Variants in TACC2 observed in about 807,000 individuals in gnomAD.
TACC2 encodes transforming acidic coiled-coil containing protein 2, also known as transforming acidic coiled-coil-containing protein 2.
TACC2 carries 137 observed loss-of-function variants against 227.3 expected under a neutral mutation model. The observed-to-expected ratio is 0.60, with a 90% confidence interval of 0.52 to 0.69. The LOEUF is 0.69. TACC2 is among the 30% of genes least tolerant of loss of function. TACC2 has a pLI of 0.00. For missense variants in TACC2, 3,470 were observed against 3,694.4 expected (o/e 0.94, Z 1.57); for synonymous variants, 1,523 against 1,487.5 (o/e 1.02, Z -0.55).
At chr10:122,216,879 G>T (rs368244421) in intron 11 of TACC2, 51 bp downstream of exon 11, 47 of 1,613,718 alleles carry the variant, frequency 2.9e-5, no homozygotes, top group Admixed American at 6.7e-5. Flanking sequence ...GGAGAATCCT[G>T]CCCCTAGGGA....
intron 5 of TACC2, among the ~76,000 whole-genome samples, chr10:122,121,704 TGG>T (rs762249653): frequency 0.67 from 101,251 of 152,070 alleles, 37,461 homozygotes; most frequent in South Asian, 0.82. Context: ...CATTGGCTTC[TGG>T]GCCTGGGCCT....
At chr10:122,158,715 G>A (rs1379928993) in intron 7 of TACC2, among the ~76,000 whole-genome samples, 1 of 152,216 alleles carries the variant, frequency 6.6e-6, no homozygotes, top group East Asian at 1.9e-4. Flanking sequence ...GGGCTTCACC[G>A]AAGCTTGTAC....
chr10:122,148,566 T>C (rs1311878924), intron 7 of TACC2, among the ~76,000 whole-genome samples: 4 of 152,244 alleles, frequency 2.6e-5, no homozygotes, highest in Non-Finnish European at 4.4e-5. Flanking sequence ...TTGTCTTCTC[T>C]CTTTGGGTTT....
At chr10:122,186,902 A>G (rs2094215432) in intron 7 of TACC2, among the ~76,000 whole-genome samples, 1 of 152,150 alleles carries the variant, frequency 6.6e-6, no homozygotes, top group Non-Finnish European at 1.5e-5. Flanking sequence ...AGGCAAGGAA[A>G]CCAAAAGGGT....
chr10:122,079,127 C>G (rs1255239576), intron 3 of TACC2: 1 of 152,200 alleles, frequency 6.6e-6, no homozygotes, highest in East Asian at 1.9e-4. Flanking sequence ...GAATTACACA[C>G]CATTACTCTT....
chr10:122,211,820 C>A, intron 9 of TACC2, 112 bp downstream of exon 9: 3 of 891,604 alleles, frequency 3.4e-6, no homozygotes, highest in Non-Finnish European at 5.0e-6. Context: ...CCCCTGGGTG[C>A]TGTGATGATG....
intron 5 of TACC2, among the ~76,000 whole-genome samples, chr10:122,111,616 G>A (rs889842426): frequency 3.9e-5 from 6 of 151,916 alleles, no homozygotes; most frequent in Admixed American, 6.6e-5. Flanking sequence ...TCAGCCTCCC[G>A]AGTAGCTGGG....
rs372856593 is a variant in TACC2 at position 122,084,884 on chromosome 10, C to A, written c.2384C>A (p.Ala795Glu). The A allele has an allele frequency of 2.2e-5, 35 of 1,613,954 alleles. No homozygotes were observed. The highest frequency in any genetic ancestry group is 3.0e-5 in the Non-Finnish European group (35 of 1,180,044). Residue 795 changes from alanine (A) to glutamate (E), a missense_variant, in exon 4 of 23, where the codon GCA (alanine) becomes GAA (glutamate). This residue lies in a region of TACC2 where 1,924 missense variants were observed against 1,978.3 expected (regional missense o/e 0.97). Transcript: ENST00000369005. The stretch of plus-strand genomic sequence containing the variant: ...TTGGCAGCAGACCTGGGGCTCACGG[C>A]ACTCATCCTGGACCAAGATCAGCAG... ...ENLAADLGLT[A>E]LILDQDQQGI...
At chr10:122,065,116 A>G (rs1240059103) in intron 3 of TACC2, among the ~76,000 whole-genome samples, 5 of 152,218 alleles carry the variant, frequency 3.3e-5, no homozygotes, top group Non-Finnish European at 5.9e-5. Context: ...GGTAAAGGGC[A>G]GAACATAAAA....
At chr10:122,170,202 C>T (rs1192528228) in intron 7 of TACC2, among the ~76,000 whole-genome samples, 2 of 151,360 alleles carry the variant, frequency 1.3e-5, no homozygotes, top group African/African-American at 2.4e-5. Context: ...CCATCTTCCT[C>T]ATCTCAACAC....
chr10:122,061,182 G>T (rs1034325002), intron 3 of TACC2, among the ~76,000 whole-genome samples: 5 of 149,540 alleles, frequency 3.3e-5, no homozygotes, highest in Admixed American at 6.7e-5. Context: ...GTGGTGGCAG[G>T]TGCCTGTAGT....
At position 122,084,894 on chromosome 10, in the gene TACC2, G is replaced by A; in HGVS notation, c.2394G>A (p.Leu798=). ...AADLGLTALI[L]DQDQQGIPSC... Reference sequence around the variant, plus strand: ...ACCTGGGGCTCACGGCACTCATCCTGGACCAAGATCAGCAGGGAATCCCAT... The same window carrying A: ...ACCTGGGGCTCACGGCACTCATCCTAGACCAAGATCAGCAGGGAATCCCAT... Residue 798 remains leucine, a synonymous_variant, in exon 4 of 23, where the codon CTG becomes CTA. Transcript: ENST00000369005. 1 of 1,614,040 alleles carries A rather than the reference G, an allele frequency of 6.2e-7. No homozygotes were observed. The highest frequency in any genetic ancestry group is 8.5e-7 in the Non-Finnish European group (1 of 1,180,020).
intron 5 of TACC2, among the ~76,000 whole-genome samples, chr10:122,121,924 C>T (rs558568659): frequency 6.6e-6 from 1 of 152,208 alleles, no homozygotes; most frequent in Non-Finnish European, 1.5e-5. Flanking sequence ...CTATGGCATG[C>T]CCACTAGAGG....
At chr10:122,179,806 G>C (rs949584956) in intron 7 of TACC2, among the ~76,000 whole-genome samples, 1 of 152,096 alleles carries the variant, frequency 6.6e-6, no homozygotes, top group African/African-American at 2.4e-5. Flanking sequence ...ATTAGCAGAC[G>C]TGGTGGCTTA....
chr10:122,026,152 A>G (rs1416896132), intron 2 of TACC2, among the ~76,000 whole-genome samples: 1 of 95,634 alleles, frequency 1.0e-5, no homozygotes, highest in African/African-American at 5.1e-5. Flanking sequence ...CCCCGTCTCT[A>G]CTAAAAATCC....
intron 8 of TACC2, among the ~76,000 whole-genome samples, chr10:122,201,331 ACAT>A: frequency 1.4e-5 from 2 of 145,052 alleles, no homozygotes; most frequent in East Asian, 4.4e-4. Context: ...GGCTGCGTTC[ACAT>A]GGGGAAGACA....
chr10:122,113,321 T>A (rs2083989623), intron 5 of TACC2: 1 of 152,234 alleles, frequency 6.6e-6, no homozygotes, highest in Admixed American at 6.5e-5. Context: ...GTACTGGAAG[T>A]GGCCAAAGCT....
At chr10:122,064,992 T>G (rs1459942051) in intron 3 of TACC2, among the ~76,000 whole-genome samples, 1 of 152,236 alleles carries the variant, frequency 6.6e-6, no homozygotes, top group Non-Finnish European at 1.5e-5. Context: ...CACCATTGAT[T>G]GGTTTTGACA....
chr10:122,048,658 G>C (rs539511191), intron 2 of TACC2, among the ~76,000 whole-genome samples: 10 of 152,178 alleles, frequency 6.6e-5, no homozygotes, highest in Admixed American at 2.0e-4. Context: ...GCACCCGGCT[G>C]GGGAGGCAGT....
Sources: gnomAD v4.1 joint callset for allele counts (sites outside exome capture counted in the v4.1 genomes callset) on GRCh38, gnomAD v4.1.1 for gene constraint, gnomAD v4.1.1 regional missense constraint, MANE v1.5 for transcripts, NCBI Gene and HGNC (gene_info 2026-07-23, HGNC 2026-07-21) for gene names.